Variants in NEGR1 observed in about 807,000 individuals in gnomAD.
NEGR1 encodes the protein neuronal growth regulator 1.
A neutral mutation model predicts 40.9 loss-of-function variants in NEGR1; 10 were observed. That is an observed-to-expected ratio of 0.24 (90% CI 0.15 to 0.42). NEGR1 has a LOEUF of 0.42. Ranked by LOEUF, NEGR1 falls within the 10% of genes least tolerant of loss-of-function variation. The probability of loss-of-function intolerance (pLI) is 1.00; values close to 1 mark genes in which losing one functional copy is unlikely to be tolerated. For missense variants in NEGR1, 352 were observed against 438.9 expected, an observed-to-expected ratio of 0.80 and a Z score of 1.77; for synonymous variants, 185 against 166.8, an observed-to-expected ratio of 1.11 and a Z score of -0.84.
At chr1:71,492,185 A>C (rs1297285016) in intron 6 of NEGR1, among the ~76,000 whole-genome samples, 2 of 152,206 alleles carry the variant, frequency 1.3e-5, no homozygotes, top group African/African-American at 2.4e-5. Flanking sequence ...GTAGGAATGG[A>C]CTAAGAGATT....
At chr1:71,442,742 A>T (rs925779636) in intron 6 of NEGR1, among the ~76,000 whole-genome samples, 6 of 152,244 alleles carry the variant, frequency 3.9e-5, no homozygotes, top group African/African-American at 1.4e-4. Context: ...GAAAAAGCTT[A>T]AGACAAACAG....
At chr1:72,229,552 A>G (rs1217326627) in intron 1 of NEGR1, among the ~76,000 whole-genome samples, 3 of 150,296 alleles carry the variant, frequency 2.0e-5, no homozygotes, top group Non-Finnish European at 3.0e-5. Context: ...GGCAATATAT[A>G]TAATATATAA....
intron 1 of NEGR1, among the ~76,000 whole-genome samples, chr1:72,263,374 G>C (rs1655526537): frequency 1.3e-5 from 2 of 151,506 alleles, no homozygotes; most frequent in Non-Finnish European, 3.0e-5. Context: ...TAAGTCAGCT[G>C]AGGGAGATTT....
At chr1:72,161,680 T>TTTTC (rs1651568702) in intron 1 of NEGR1, among the ~76,000 whole-genome samples, 1 of 132,402 alleles carries the variant, frequency 7.6e-6, no homozygotes, top group African/African-American at 2.9e-5. Context: ...TTCTTTCTTT[T>TTTTC]TTTTTTTTTT....
At chr1:71,425,257 G>A (rs963796308) in intron 6 of NEGR1, among the ~76,000 whole-genome samples, 2 of 152,134 alleles carry the variant, frequency 1.3e-5, no homozygotes, top group African/African-American at 4.8e-5. Flanking sequence ...GGAAGAGGTA[G>A]TAGGCAAGGC....
intron 6 of NEGR1, among the ~76,000 whole-genome samples, chr1:71,555,878 T>G (rs2101474322): frequency 6.6e-6 from 1 of 151,708 alleles, no homozygotes; most frequent in East Asian, 2.0e-4. Context: ...AACATACAGG[T>G]TTGAGGAAGA....
chr1:72,146,696 C>T (rs1166760378), intron 1 of NEGR1, among the ~76,000 whole-genome samples: 3 of 152,024 alleles, frequency 2.0e-5, no homozygotes, highest in Non-Finnish European at 2.9e-5. Context: ...TGCAAATATA[C>T]AAAAATCTGA....
intron 1 of NEGR1, among the ~76,000 whole-genome samples, chr1:71,959,481 G>C (rs913138787): frequency 1.3e-4 from 20 of 151,862 alleles, no homozygotes; most frequent in African/African-American, 4.8e-4. Context: ...TGGAAAAATG[G>C]GTTACGTTAG....
chr1:71,970,373 C>A (rs988014214), intron 1 of NEGR1, among the ~76,000 whole-genome samples: 5 of 152,048 alleles, frequency 3.3e-5, no homozygotes, highest in Admixed American at 3.3e-4. Flanking sequence ...CAGGAGAATG[C>A]ATATTTTGTG....
At chr1:71,494,948 G>A (rs891492797) in intron 6 of NEGR1, among the ~76,000 whole-genome samples, 8 of 152,038 alleles carry the variant, frequency 5.3e-5, no homozygotes, top group Admixed American at 3.9e-4. Flanking sequence ...TACTCAACAT[G>A]AAGATGACAA....
At chr1:71,958,450 G>A (rs1646136197) in intron 1 of NEGR1, among the ~76,000 whole-genome samples, 1 of 152,156 alleles carries the variant, frequency 6.6e-6, no homozygotes, top group Non-Finnish European at 1.5e-5. Flanking sequence ...TAAGAGAAAA[G>A]GAAAGGACGA....
At chr1:71,612,683 G>T (rs1345704796) in intron 4 of NEGR1, among the ~76,000 whole-genome samples, 1 of 152,188 alleles carries the variant, frequency 6.6e-6, no homozygotes, top group Admixed American at 6.5e-5. Flanking sequence ...TTTCGATAGG[G>T]TAATCTGAGT....
Position 71,776,147 on chromosome 1 carries a change from C to A in NEGR1, c.535+25G>T, listed in dbSNP as rs144850555. On this transcript the variant is annotated intron_variant, in intron 3 of 6. Transcript: ENST00000357731. ...ACAGGAGAAAAATGAACAGCACAAA[C>A]AACACTAATGCATTCCTACTTTACC... 1.2e-5 allele frequency: 19 copies of A among 1,587,782 alleles called. No individual in the cohort carries two copies. The African/African-American group carries it at 2.3e-4, about 19-fold the overall frequency.
intron 2 of NEGR1, among the ~76,000 whole-genome samples, chr1:71,840,321 T>C (rs1021814174): frequency 1.1e-4 from 16 of 152,136 alleles, no homozygotes; most frequent in Middle Eastern, 3.2e-3. Context: ...TCATTAGAGA[T>C]ATGTTAAAAG....
At chr1:71,605,422 A>C (rs1427319098) in intron 5 of NEGR1, among the ~76,000 whole-genome samples, 1 of 152,178 alleles carries the variant, frequency 6.6e-6, no homozygotes, top group Non-Finnish European at 1.5e-5. Flanking sequence ...TGCAGGCAAA[A>C]TAACAAAAAT....
chr1:71,709,874 C>T (rs780860029), intron 3 of NEGR1, among the ~76,000 whole-genome samples: 9 of 152,120 alleles, frequency 5.9e-5, no homozygotes, highest in Admixed American at 2.0e-4. Flanking sequence ...AATGAGATCA[C>T]ATCAATTTAA....
chr1:71,853,860 C>G (rs562569791), intron 2 of NEGR1, among the ~76,000 whole-genome samples: 12 of 152,186 alleles, frequency 7.9e-5, no homozygotes, highest in African/African-American at 2.9e-4. Context: ...ATTAGCATTG[C>G]TAGACGTCTG....
chr1:71,500,253 A>C (rs1478035231), intron 6 of NEGR1, among the ~76,000 whole-genome samples: 2 of 151,910 alleles, frequency 1.3e-5, no homozygotes, highest in Non-Finnish European at 2.9e-5. Context: ...TTTTCCAGCT[A>C]TGAGGGTGGG....
At chr1:71,927,402 G>C (rs1645784581) in intron 2 of NEGR1, among the ~76,000 whole-genome samples, 1 of 152,028 alleles carries the variant, frequency 6.6e-6, no homozygotes, top group Non-Finnish European at 1.5e-5. Flanking sequence ...AGGTATATTT[G>C]GGAAAATAAT....
Sources: gnomAD v4.1 joint callset for allele counts (sites outside exome capture counted in the v4.1 genomes callset) on GRCh38, gnomAD v4.1.1 for gene constraint, MANE v1.5 for transcripts, NCBI Gene and HGNC (gene_info 2026-07-23, HGNC 2026-07-21) for gene names.